Variants in PDE9A observed in about 807,000 individuals in gnomAD.
The protein encoded by PDE9A is phosphodiesterase 9A.
PDE9A carries 60 observed loss-of-function variants against 87.4 expected under a neutral mutation model. That is an observed-to-expected ratio of 0.69 (90% CI 0.56 to 0.85). The LOEUF is 0.85. Ranked by LOEUF, PDE9A falls within the 40% of genes least tolerant of loss-of-function variation. The pLI is 0.00. For synonymous variants in PDE9A, 272 were observed against 279.4 expected (o/e 0.97, Z 0.27); for missense variants, 665 against 779.0 (o/e 0.85, Z 1.74).
rs142931663 is a variant in PDE9A at position 42,660,758 on chromosome 21, G to A, written c.69+6875G>A. On this transcript the variant is annotated intron_variant, in intron 1 of 19. Coordinates refer to ENST00000291539, the MANE Select transcript of PDE9A (RefSeq NM_002606.3). This position sits in a 1 kb window ranked among gnomAD's most constrained non-coding sequence, Gnocchi z 4.7. Reference sequence around the variant, plus strand: ...CAGTCATGCCATGGGCACCAGGGACGCCCAGTGCACTCAGCCACCCAGGGG... The same window carrying A: ...CAGTCATGCCATGGGCACCAGGGACACCCAGTGCACTCAGCCACCCAGGGG... Among the ~76,000 whole-genome samples the A allele has an allele frequency of 1.1e-4, 17 of 152,222 alleles. No homozygotes were observed. Among genetic ancestry groups the A allele is most frequent in the Admixed American group, 2.0e-4 (3 of 15,294 alleles).
At chr21:42,751,395 A>G (rs2054405654) in intron 9 of PDE9A, among the ~76,000 whole-genome samples, 198 bp downstream of exon 9, 1 of 152,282 alleles carries the variant, frequency 6.6e-6, no homozygotes. Context: ...AAGTGATCCC[A>G]GACCATACCT....
chr21:42,686,210 T>C lies in PDE9A; in HGVS notation c.88T>C (p.Cys30Arg). The change falls in exon 2 of 20, where the codon TGC becomes CGC. Residue 30 changes from cysteine (C) to arginine (R), a missense_variant. Cys to Arg is a radical substitution (Grantham distance 180, BLOSUM62 -3). Transcript: ENST00000291539. ...TTTGCAGGTAATCTTCAGCAAGTAC[T>C]GCAACTCCAGCGACATCATGGACCT... ...RIQKVIFSKYCNSSDIMDLFC... is the reference protein window; with the variant it reads ...RIQKVIFSKYRNSSDIMDLFC... 1 of 1,613,890 alleles carries C rather than the reference T, an allele frequency of 6.2e-7. No individual in the cohort carries two copies. The highest frequency in any genetic ancestry group is 8.5e-7 in the Non-Finnish European group (1 of 1,179,786).
intron 1 of PDE9A, among the ~76,000 whole-genome samples, chr21:42,679,778 G>C (rs1463874491): frequency 6.6e-6 from 1 of 152,196 alleles, no homozygotes; most frequent in African/African-American, 2.4e-5. Flanking sequence ...CCACCCATGA[G>C]AGACCCTTCT....
intron 4 of PDE9A, among the ~76,000 whole-genome samples, chr21:42,716,898 G>T (rs1312622886): frequency 6.6e-6 from 1 of 150,438 alleles, no homozygotes; most frequent in Admixed American, 6.6e-5. Context: ...TTACAGATGT[G>T]TGCCGCCACG....
intron 14 of PDE9A, among the ~76,000 whole-genome samples, chr21:42,764,967 C>T (rs2056221034): frequency 6.8e-6 from 1 of 146,022 alleles, no homozygotes; most frequent in African/African-American, 2.6e-5. Flanking sequence ...TCTGTAAATG[C>T]TTGTGGGGTG....
chr21:42,730,436 T>A (rs1039416808), intron 4 of PDE9A, among the ~76,000 whole-genome samples: 4 of 152,238 alleles, frequency 2.6e-5, no homozygotes, highest in African/African-American at 9.6e-5. Context: ...TAGTTTTTTT[T>A]AATTTTTTAA....
rs2060136300 is a variant in PDE9A, at chr21:42,696,288, G to A, written c.219-2680G>A. ...CTCTGGCTCTGTCCCCGCCGGCACTGTGTGGGATCCATGCTGTTCTCCCTC... is the reference window on the plus strand; with the variant it reads ...CTCTGGCTCTGTCCCCGCCGGCACTATGTGGGATCCATGCTGTTCTCCCTC... On this transcript the variant is annotated intron_variant, in intron 3 of 19. Coordinates refer to ENST00000291539, the MANE Select transcript of PDE9A (RefSeq NM_002606.3). This position sits in a 1 kb window ranked among gnomAD's most constrained non-coding sequence, Gnocchi z 5.1. Among the ~76,000 whole-genome samples, 2 of 152,206 alleles carry A rather than the reference G, an allele frequency of 1.3e-5. No homozygotes were observed. Among genetic ancestry groups the A allele is most frequent in the Non-Finnish European group, 2.9e-5 (2 of 68,024 alleles).
chr21:42,739,797 C>A lies in PDE9A; in HGVS notation c.569-3979C>A, dbSNP rs1441123149. 6.6e-6 allele frequency among the ~76,000 whole-genome samples: 1 copy of A among 151,842 alleles called. No homozygotes were observed. Among genetic ancestry groups the A allele is most frequent in the Non-Finnish European group, 1.5e-5 (1 of 67,982 alleles). On this transcript the variant is annotated intron_variant, in intron 7 of 19. Coordinates refer to ENST00000291539, the MANE Select transcript of PDE9A (RefSeq NM_002606.3). This position sits in a 1 kb window ranked among gnomAD's most constrained non-coding sequence, Gnocchi z 4.1. ...GGCTTAAAACAGAGCCTTGTATGGA[C>A]ATGGGAAAAAAATTATAGGTTTGTT... is the stretch of plus-strand genomic sequence containing the variant.
Position 42,653,822 on chromosome 21 carries a change from C to G in PDE9A, c.8C>G (p.Ser3Cys), listed in dbSNP as rs1291839759. 1.3e-6 allele frequency: 2 copies of G among 1,555,850 alleles called. No homozygotes were observed. Among genetic ancestry groups the G allele is most frequent in the African/African-American group, 1.4e-5 (1 of 71,132 alleles). The part of the protein sequence containing the change: MG[S>C]GSSSYRPKAI... Reference sequence around the variant, plus strand: ...GCAGCCGCCGGGCGCAGGATGGGATCCGGCTCCTCCAGCTACCGGCCCAAG... The same window carrying G: ...GCAGCCGCCGGGCGCAGGATGGGATGCGGCTCCTCCAGCTACCGGCCCAAG... The change falls in exon 1 of 20, where the codon TCC becomes TGC. Residue 3 changes from serine (S) to cysteine (C), a missense_variant. Physicochemically the swap from Ser to Cys is moderately radical, Grantham distance 112 (BLOSUM62 -1). Coordinates refer to ENST00000291539, the MANE Select transcript of PDE9A (RefSeq NM_002606.3).
chr21:42,688,389 G>A (rs1169785192), intron 3 of PDE9A, among the ~76,000 whole-genome samples: 1 of 152,162 alleles, frequency 6.6e-6, no homozygotes, highest in Non-Finnish European at 1.5e-5. Context: ...ACTTAGGGCC[G>A]GTCTCTGTGT....
intron 4 of PDE9A, among the ~76,000 whole-genome samples, chr21:42,727,890 G>C (rs2051310149): frequency 6.6e-6 from 1 of 151,872 alleles, no homozygotes; most frequent in Non-Finnish European, 1.5e-5. Context: ...TCCTTCTCTT[G>C]CCTATTGCAC....
chr21:42,676,682 C>T (rs1209243097), intron 1 of PDE9A, among the ~76,000 whole-genome samples: 2 of 152,152 alleles, frequency 1.3e-5, no homozygotes, highest in East Asian at 1.9e-4. Flanking sequence ...GGAGGGCATC[C>T]GACTCATCTC....
rs2146392405 is a variant in PDE9A, at chr21:42,705,529, C to T, written c.262+6518C>T. Among the ~76,000 whole-genome samples the T allele has an allele frequency of 6.6e-6, 1 of 152,234 alleles. No individual in the cohort carries two copies. Among genetic ancestry groups the T allele is most frequent in the South Asian group, 2.1e-4 (1 of 4,822 alleles). On this transcript the variant is annotated intron_variant, in intron 4 of 19. Transcript: ENST00000291539. The surrounding 1 kb of genome is among the most constrained non-coding windows in gnomAD (Gnocchi z 4.3). ...GGGAAAAGGACAGGGCCTCCCTCAG[C>T]GTGGCAGATCGCGTGGGTCCATGGG... is the stretch of plus-strand genomic sequence containing the variant.
chr21:42,769,643 GGGACACACAGGCACACA>G (rs1569280230), intron 17 of PDE9A, among the ~76,000 whole-genome samples: 6 of 37,206 alleles, frequency 1.6e-4, no homozygotes, highest in African/African-American at 7.2e-4. Context: ...GGCACACACA[GGGACACACAGGCACACA>G]TAGGCACACA....
In PDE9A at chr21:42,668,905, G is replaced by A. The variant is rs76676526; in HGVS notation, c.69+15022G>A. On this transcript the variant is annotated intron_variant, in intron 1 of 19. Coordinates refer to ENST00000291539, the MANE Select transcript of PDE9A (RefSeq NM_002606.3). ...ATCAGAGCTGCTCCCTCCACCCCCC[G>A]CCACGTCCCACGCGGGCCACATCAA... 4.3e-5 allele frequency among the ~76,000 whole-genome samples: 5 copies of A among 115,730 alleles called. 1 individual carries two copies. Among genetic ancestry groups the A allele is most frequent in the East Asian group, 3.0e-4 (1 of 3,312 alleles). 75.9% of individuals were successfully genotyped at this position (115,730 alleles called of 152,430 possible). A position where few individuals can be genotyped will look rare whatever the true frequency, so the allele number is the denominator to read the frequency against.
chr21:42,712,379 G>A (rs1433642944), intron 4 of PDE9A, among the ~76,000 whole-genome samples: 5 of 152,220 alleles, frequency 3.3e-5, no homozygotes, highest in African/African-American at 9.6e-5. Flanking sequence ...GTTGGATCCT[G>A]TGAATTTGCT....
At chr21:42,693,448 G>A (rs537355766) in intron 3 of PDE9A, among the ~76,000 whole-genome samples, 1 of 149,472 alleles carries the variant, frequency 6.7e-6, no homozygotes, top group Non-Finnish European at 1.5e-5. Flanking sequence ...ACAGGCGCCC[G>A]CCACCACGCC....
At chr21:42,729,470 T>C (rs891076305) in intron 4 of PDE9A, among the ~76,000 whole-genome samples, 1 of 152,234 alleles carries the variant, frequency 6.6e-6, no homozygotes, top group Non-Finnish European at 1.5e-5. Context: ...GCATTGTTTT[T>C]CTGTTTTCTG....
chr21:42,754,285 G>T (rs1244141524), intron 10 of PDE9A, among the ~76,000 whole-genome samples: 1 of 152,206 alleles, frequency 6.6e-6, no homozygotes, highest in Non-Finnish European at 1.5e-5. Context: ...GATTCTGTGA[G>T]TGGGGGAGAC....
Sources: gnomAD v4.1 joint callset for allele counts (sites outside exome capture counted in the v4.1 genomes callset) on GRCh38, gnomAD v4.1.1 for gene constraint, Gnocchi (gnomAD v3.1) non-coding constraint, MANE v1.5 for transcripts, NCBI Gene and HGNC (gene_info 2026-07-23, HGNC 2026-07-21) for gene names.